The following GDF10 variants were observed in gnomAD, a reference collection of about 807,000 sequenced individuals.
The protein encoded by GDF10 is growth differentiation factor 10, also known as growth/differentiation factor 10.
In GDF10, 23 loss-of-function variants were observed where a neutral mutation model predicts 32.1. That is an observed-to-expected ratio of 0.72 (90% CI 0.52 to 1.02). GDF10 has a LOEUF of 1.02. Among genes scored for constraint, GDF10 ranks in the 50% least tolerant of loss-of-function variants. GDF10 has a pLI of 0.00. For missense variants in GDF10, 764 were observed against 673.9 expected (o/e 1.13, Z -1.48); for synonymous variants, 328 against 303.1 (o/e 1.08, Z -0.85).
rs575113350 is a variant in GDF10 at position 47,309,675 on chromosome 10, G to C, written c.320-121G>C. 1.2e-4 allele frequency: 80 copies of C among 666,868 alleles called. No individual in the cohort carries two copies. The African/African-American group carries it at 1.2e-3, about 10-fold the overall frequency. The allele number at this position is 666,868 out of a possible 1,614,324, so 41.3% of individuals were successfully genotyped here. A position where few individuals can be genotyped will look rare whatever the true frequency, so the allele number is the denominator to read the frequency against. On this transcript the variant is annotated intron_variant, in intron 1 of 2. Coordinates refer to ENST00000580279, the MANE Select transcript of GDF10 (RefSeq NM_004962.5). ...TACACGAAAGGAGGGAAGCAAAGCG[G>C]GGGAGGAGGATGGTCCTGAAAGTGT...
In GDF10 at chr10:47,313,038, T is replaced by C; in HGVS notation, c.*246T>C. ...TTAGCCCTGGCCTGAAAGTGGCCCA[T>C]CATTCATACCCACTGTTCTGAAGGC... On this transcript the variant is annotated 3_prime_UTR_variant, in exon 3 of 3. Transcript: ENST00000580279. 2.6e-6 allele frequency: 1 copy of C among 383,390 alleles called. No individual in the cohort carries two copies. Among genetic ancestry groups the C allele is most frequent in the South Asian group, 8.7e-5 (1 of 11,504 alleles). 23.7% of individuals were successfully genotyped at this position (383,390 alleles called of 1,614,324 possible).
In GDF10 at chr10:47,312,751, G is replaced by A. The variant is rs2061051459; in HGVS notation, c.1396G>A (p.Val466Met). 6.2e-7 allele frequency: 1 copy of A among 1,604,742 alleles called. No homozygotes were observed. The highest frequency in any genetic ancestry group is 8.5e-7 in the Non-Finnish European group (1 of 1,175,346). ...LDENRNVVLK[V>M]YPNMSVDTCA... ...TGAGAATCGGAATGTGGTTCTGAAG[G>A]TGTACCCCAACATGTCCGTGGACAC... The change falls in exon 3 of 3, where the codon GTG (valine) becomes ATG (methionine). Residue 466 changes from valine (V) to methionine (M), a missense_variant. Physicochemically the swap from Val to Met is conservative, Grantham distance 21. Coordinates refer to ENST00000580279, the MANE Select transcript of GDF10 (RefSeq NM_004962.5).
intron 1 of GDF10, among the ~76,000 whole-genome samples, chr10:47,309,187 A>G (rs1433462941): frequency 2.0e-5 from 3 of 152,272 alleles, no homozygotes; most frequent in Non-Finnish European, 2.9e-5. Context: ...CAAAGAGCAG[A>G]TGCCTAAATG....
At chr10:47,309,078 G>A (rs146714468) in intron 1 of GDF10, among the ~76,000 whole-genome samples, 9 of 152,262 alleles carry the variant, frequency 5.9e-5, no homozygotes, top group African/African-American at 1.9e-4. Flanking sequence ...GAGACGTCCC[G>A]GTCTTTACCT....
chr10:47,302,336 T>C (rs141536541), intron 1 of GDF10, among the ~76,000 whole-genome samples: 90 of 152,318 alleles, frequency 5.9e-4, no homozygotes, highest in Admixed American at 1.3e-3. Flanking sequence ...AGATTAAGTG[T>C]TGATGTACGG....
chr10:47,308,670 T>C (rs1241716509), intron 1 of GDF10, among the ~76,000 whole-genome samples: 1 of 152,134 alleles, frequency 6.6e-6, no homozygotes, highest in Non-Finnish European at 1.5e-5. Context: ...TTGGGAGCCC[T>C]GCTCCTCTCC....
At position 47,310,713 on chromosome 10, in the gene GDF10, A is replaced by G; in HGVS notation, c.1237A>G (p.Met413Val). 1.9e-6 allele frequency: 3 copies of G among 1,608,506 alleles called. No individual in the cohort carries two copies. Among genetic ancestry groups the G allele is most frequent in the East Asian group, 4.5e-5 (2 of 44,826 alleles). ...CTGCGCGGGAGCATGTGAGTTCCCCATGCCTAAGGTAGGGTTTCTTCCGCC... is the reference window on the plus strand; with the variant it reads ...CTGCGCGGGAGCATGTGAGTTCCCCGTGCCTAAGGTAGGGTTTCTTCCGCC... ...YYCAGACEFP[M>V]PKIVRPSNHA... Residue 413 changes from methionine (M) to valine (V), a missense_variant, in exon 2 of 3, where the codon ATG (methionine) becomes GTG (valine). Met to Val is a conservative substitution (Grantham distance 21). Transcript: ENST00000580279.
At chr10:47,305,558 C>T (rs1471222997) in intron 1 of GDF10, among the ~76,000 whole-genome samples, 5 of 152,208 alleles carry the variant, frequency 3.3e-5, no homozygotes. Flanking sequence ...TGCATCTAAG[C>T]CCAGCGTTCT....
intron 1 of GDF10, among the ~76,000 whole-genome samples, chr10:47,307,816 A>C (rs775012790): frequency 3.5e-4 from 54 of 152,354 alleles, no homozygotes; most frequent in South Asian, 1.0e-3. Flanking sequence ...TGGATCAGTG[A>C]ATGCAAGGTA....
intron 1 of GDF10, 79 bp downstream of exon 1, chr10:47,301,049 C>G: frequency 1.1e-6 from 1 of 945,912 alleles, no homozygotes; most frequent in Non-Finnish European, 1.5e-6. Flanking sequence ...CCGTGCACCT[C>G]TACTTTTCCT....
intron 1 of GDF10, among the ~76,000 whole-genome samples, chr10:47,301,467 G>T (rs1255296525): frequency 2.0e-5 from 3 of 149,708 alleles, no homozygotes; most frequent in African/African-American, 7.6e-5. Context: ...TGGCTGCCCG[G>T]GATTGAGGAC....
At position 47,312,606 on chromosome 10, in the gene GDF10, T is replaced by A; in HGVS notation, c.1251T>A (p.Val417=). The change falls in exon 3 of 3, where the codon GTT becomes GTA. Residue 417 remains valine, a synonymous_variant. Transcript: ENST00000580279. ...ACTCCTTTTCTGCCTTGCAGATCGT[T>A]CGTCCATCCAACCATGCCACCATCC... ...GACEFPMPKI[V]RPSNHATIQS... 6.3e-7 allele frequency: 1 copy of A among 1,581,402 alleles called. No individual in the cohort carries two copies. Among genetic ancestry groups the A allele is most frequent in the Middle Eastern group, 1.7e-4 (1 of 5,932 alleles).
Position 47,310,594 on chromosome 10 carries a change from C to G in GDF10, c.1118C>G (p.Pro373Arg). Residue 373 changes from proline to arginine, a missense_variant, in exon 2 of 3, where the codon CCG (proline) becomes CGG (arginine). Pro to Arg is a moderately radical substitution (Grantham distance 103, BLOSUM62 -2). Transcript: ENST00000580279. ...GCCCGGAGGAAGCAGTGGGATGAGC[C>G]GAGGGTGTGCTCCCGGAGGTACCTG... ...QKARRKQWDE[P>R]RVCSRRYLKV... is the part of the protein sequence containing the mutation. The G allele has an allele frequency of 2.5e-6, 4 of 1,614,112 alleles. No individual in the cohort carries two copies. Among genetic ancestry groups the G allele is most frequent in the Non-Finnish European group, 3.4e-6 (4 of 1,179,964 alleles).
chr10:47,303,805 G>A (rs979734157), intron 1 of GDF10, among the ~76,000 whole-genome samples: 2 of 152,140 alleles, frequency 1.3e-5, no homozygotes, highest in South Asian at 4.1e-4. Context: ...TCTCTAAATT[G>A]AAAATAATAC....
intron 1 of GDF10, among the ~76,000 whole-genome samples, chr10:47,304,948 G>A (rs1489939761): frequency 3.3e-5 from 5 of 152,130 alleles, no homozygotes; most frequent in Non-Finnish European, 5.9e-5. Context: ...TAGAGAATTT[G>A]CTTTTGAGAC....
At chr10:47,307,897 TG>T (rs1277147045) in intron 1 of GDF10, among the ~76,000 whole-genome samples, 4 of 152,202 alleles carry the variant, frequency 2.6e-5, no homozygotes, top group Non-Finnish European at 5.9e-5. Flanking sequence ...AAAGCACATT[TG>T]GGGGCACCTC....
intron 1 of GDF10, among the ~76,000 whole-genome samples, chr10:47,305,887 T>A (rs782281872): frequency 6.6e-6 from 1 of 152,164 alleles, no homozygotes; most frequent in Non-Finnish European, 1.5e-5. Context: ...CTCAAAAATA[T>A]CAAAATAATG....
chr10:47,302,562 C>T, intron 1 of GDF10, among the ~76,000 whole-genome samples: 1 of 152,310 alleles, frequency 6.6e-6, no homozygotes, highest in South Asian at 2.1e-4. Flanking sequence ...ATTCTGTTTT[C>T]ACAGAAAGGG....
At chr10:47,304,415 A>AGAG (rs1367697294) in intron 1 of GDF10, among the ~76,000 whole-genome samples, 1 of 152,064 alleles carries the variant, frequency 6.6e-6, no homozygotes, top group Non-Finnish European at 1.5e-5. Flanking sequence ...GAGGAAGAGG[A>AGAG]GAGACTGCAG....
Sources: gnomAD v4.1 joint callset for allele counts (sites outside exome capture counted in the v4.1 genomes callset) on GRCh38, gnomAD v4.1.1 for gene constraint, MANE v1.5 for transcripts, NCBI Gene and HGNC (gene_info 2026-07-23, HGNC 2026-07-21) for gene names.